The following PCDH7 variants were observed in gnomAD, a reference collection of about 807,000 sequenced individuals.
The protein encoded by PCDH7 is protocadherin-7.
Under a neutral mutation model 58.9 loss-of-function variants are expected in PCDH7, and 17 were observed. The observed-to-expected ratio is 0.29, with a 90% CI of 0.20 to 0.43. The LOEUF is 0.43. Among genes scored for constraint, PCDH7 ranks in the 20% least tolerant of loss-of-function variants. The pLI is 1.00. For synonymous variants in PCDH7, 664 were observed against 616.4 expected (o/e 1.08, Z -1.14); for missense variants, 1,274 against 1,441.0 (o/e 0.88, Z 1.88).
intron 1 of PCDH7, among the ~76,000 whole-genome samples, chr4:30,785,163 A>C (rs957145323): frequency 1.3e-5 from 2 of 152,082 alleles, no homozygotes; most frequent in African/African-American, 4.8e-5. Flanking sequence ...ACTGCTATGG[A>C]ATCATACCAT....
chr4:30,967,513 G>A (rs1238064327), intron 3 of PCDH7, among the ~76,000 whole-genome samples: 17 of 152,016 alleles, frequency 1.1e-4, no homozygotes, highest in Non-Finnish European at 4.4e-5. Flanking sequence ...GACTCTGATT[G>A]GTGGCAAACA....
intron 2 of PCDH7, among the ~76,000 whole-genome samples, chr4:30,945,860 CG>C (rs1237712703): frequency 6.6e-6 from 1 of 152,082 alleles, no homozygotes; most frequent in African/African-American, 2.4e-5. Context: ...TTAATTCCAT[CG>C]GGCCACAGTT....
At position 30,927,137 on chromosome 4, in the gene PCDH7, T is replaced by G. The variant is rs559289004; in HGVS notation, c.287+6768T>G. ...TTTGTTACCTCCAGACTCCCAAAGC[T>G]TTTGCTTGTGTGAATTTCAGCACTT... On this transcript the variant is annotated intron_variant, in intron 2 of 3. Transcript: ENST00000509759. Among the ~76,000 whole-genome samples, 68 of 152,304 alleles carry G rather than the reference T, an allele frequency of 4.5e-4. No individual in the cohort carries two copies. In the South Asian group the frequency reaches 8.9e-3, roughly 20 times the overall value.
At chr4:30,971,447 C>T (rs1262368766) in intron 3 of PCDH7, among the ~76,000 whole-genome samples, 1 of 152,156 alleles carries the variant, frequency 6.6e-6, no homozygotes, top group African/African-American at 2.4e-5. Flanking sequence ...GTAATGCTGG[C>T]TCAATAATTC....
chr4:31,138,233 T>A (rs1359686613), intron 3 of PCDH7, among the ~76,000 whole-genome samples: 1 of 152,174 alleles, frequency 6.6e-6, no homozygotes, highest in African/African-American at 2.4e-5. Flanking sequence ...CTACCCTGCC[T>A]AGTAAAAACA....
chr4:31,063,242 C>A (rs574566806), intron 3 of PCDH7, among the ~76,000 whole-genome samples: 15 of 151,734 alleles, frequency 9.9e-5, no homozygotes, highest in Admixed American at 9.2e-4. Flanking sequence ...TATGAATGCC[C>A]TTTCCATCAA....
At chr4:31,030,517 T>A (rs1025147806) in intron 3 of PCDH7, among the ~76,000 whole-genome samples, 2 of 152,208 alleles carry the variant, frequency 1.3e-5, no homozygotes, top group Non-Finnish European at 2.9e-5. Context: ...CAAGTTACAC[T>A]TTTATTTACA....
chr4:31,056,461 GAAAGAAA>G (rs1560608591), intron 3 of PCDH7, among the ~76,000 whole-genome samples: 7 of 37,138 alleles, frequency 1.9e-4, no homozygotes, highest in African/African-American at 1.0e-3. Flanking sequence ...AAAGAAAGAA[GAAAGAAA>G]GAAAGAAAGA....
chr4:30,829,836 G>A (rs888353106), intron 1 of PCDH7, among the ~76,000 whole-genome samples: 3 of 152,010 alleles, frequency 2.0e-5, no homozygotes, highest in African/African-American at 7.2e-5. Context: ...AAGGGGGATG[G>A]AGAGGAGTTG....
rs140857017 is a variant in PCDH7, at chr4:30,786,485, G to A, written c.70+61889G>A. Among the ~76,000 whole-genome samples, 589 of 152,114 alleles carry A rather than the reference G, an allele frequency of 3.9e-3. 7 individuals carry two copies. The highest frequency in any genetic ancestry group is 0.013 in the African/African-American group (526 of 41,540). On this transcript the variant is annotated intron_variant, in intron 1 of 3. Coordinates refer to the PCDH7 transcript ENST00000509759. ...TTCTTATACCATGCAAACATCTCTT[G>A]TCAGAGATAGCATCCCTGAGATTAG...
At chr4:30,970,427 T>A (rs541970955) in intron 3 of PCDH7, among the ~76,000 whole-genome samples, 6 of 152,170 alleles carry the variant, frequency 3.9e-5, no homozygotes, top group Non-Finnish European at 7.4e-5. Flanking sequence ...CCCCAGTAGC[T>A]GGGACCACAG....
At chr4:30,965,592 A>G (rs912866323) in intron 3 of PCDH7, among the ~76,000 whole-genome samples, 3 of 152,152 alleles carry the variant, frequency 2.0e-5, no homozygotes, top group Non-Finnish European at 4.4e-5. Context: ...AACAATTCTA[A>G]GCATTTATCT....
At chr4:31,047,593 G>C (rs763700645) in intron 3 of PCDH7, among the ~76,000 whole-genome samples, 11 of 152,138 alleles carry the variant, frequency 7.2e-5, no homozygotes, top group African/African-American at 1.2e-4. Flanking sequence ...AAATACAGTA[G>C]AGGCAAAGAG....
chr4:30,758,378 T>C (rs1375446160), intron 1 of PCDH7, among the ~76,000 whole-genome samples: 2 of 152,148 alleles, frequency 1.3e-5, no homozygotes, highest in African/African-American at 4.8e-5. Context: ...GTGCATGGTT[T>C]TACCCTAAGT....
At chr4:31,075,807 T>C (rs1489142334) in intron 3 of PCDH7, among the ~76,000 whole-genome samples, 1 of 152,182 alleles carries the variant, frequency 6.6e-6, no homozygotes, top group Non-Finnish European at 1.5e-5. Flanking sequence ...CCTTCCTTCC[T>C]TTTATTATTT....
intron 1 of PCDH7, among the ~76,000 whole-genome samples, chr4:30,778,374 G>C (rs116281463): frequency 6.6e-6 from 1 of 152,008 alleles, no homozygotes; most frequent in Non-Finnish European, 1.5e-5. Flanking sequence ...TAAGACTTAT[G>C]ATCTATTTTG....
intron 2 of PCDH7, among the ~76,000 whole-genome samples, chr4:30,944,730 A>G (rs1746463587): frequency 6.6e-6 from 1 of 152,212 alleles, no homozygotes; most frequent in Admixed American, 6.5e-5. Context: ...AGTTAGAATA[A>G]AAGTAAACTT....
intron 1 of PCDH7, among the ~76,000 whole-genome samples, chr4:30,757,779 A>G (rs1282398919): frequency 6.6e-6 from 1 of 152,170 alleles, no homozygotes; most frequent in African/African-American, 2.4e-5. Flanking sequence ...TTCAAGAAAA[A>G]GGACTGTCTA....
At chr4:31,045,281 C>A (rs1756186468) in intron 3 of PCDH7, among the ~76,000 whole-genome samples, 1 of 151,750 alleles carries the variant, frequency 6.6e-6, no homozygotes, top group South Asian at 2.1e-4. Context: ...TTTCTTTTTG[C>A]ACTTTTTTTC....
Sources: allele counts gnomAD v4.1 joint callset (sites outside exome capture counted in the v4.1 genomes callset), GRCh38; gene constraint gnomAD v4.1.1; transcripts MANE v1.5; gene names NCBI Gene and HGNC (gene_info 2026-07-23, HGNC 2026-07-21).